Variants in CREBBP observed in about 807,000 individuals in gnomAD.
CREBBP encodes CREB-binding protein.
A neutral mutation model predicts 265.0 loss-of-function variants in CREBBP; 19 were observed. The observed-to-expected ratio is 0.07, with a 90% CI of 0.05 to 0.11. The LOEUF (loss-of-function observed/expected upper bound fraction) is 0.11. Ranked by LOEUF, CREBBP falls within the 10% of genes least tolerant of loss-of-function variation. The pLI is 1.00. For missense variants in CREBBP, 2,525 were observed against 3,219.0 expected (o/e 0.78, Z 5.22); for synonymous variants, 1,457 against 1,223.7 (o/e 1.19, Z -3.98).
chr16:3,855,143 G>C lies in CREBBP; in HGVS notation c.86-4134C>G, dbSNP rs866733298. ...AAAATGACATGTCCTATAGCCATGA[G>C]ATTACAAGATCCAAGATCTAATTCA... is the stretch of plus-strand genomic sequence containing the variant. On this transcript the variant is annotated intron_variant, in intron 1 of 30. Coordinates refer to ENST00000262367, the MANE Select transcript of CREBBP (RefSeq NM_004380.3). Among the ~76,000 whole-genome samples, 25 of 152,204 alleles carry C rather than the reference G, an allele frequency of 1.6e-4. 1 individual carries two copies. Among genetic ancestry groups the C allele is most frequent in the African/African-American group, 6.0e-4 (25 of 41,442 alleles).
chr16:3,873,280 A>G (rs141546022), intron 1 of CREBBP, among the ~76,000 whole-genome samples: 4 of 152,380 alleles, frequency 2.6e-5, no homozygotes, highest in African/African-American at 9.6e-5. Context: ...AAAATAATTC[A>G]GAACACACAC....
In CREBBP at chr16:3,774,677, G is replaced by A. The variant is rs765271207; in HGVS notation, c.2175C>T (p.Asn725=). 1 of 1,614,196 alleles carries A rather than the reference G, an allele frequency of 6.2e-7. No individual in the cohort carries two copies. Among genetic ancestry groups the A allele is most frequent in the East Asian group, 2.2e-5 (1 of 44,886 alleles). ...ACTGGACGTTCCCCAAGGACATGGGGTTAAATGAATTCATCCCTGTAAATG... is the reference window on the plus strand; with the variant it reads ...ACTGGACGTTCCCCAAGGACATGGGATTAAATGAATTCATCCCTGTAAATG... ...MQVSQGMNSF[N]PMSLGNVQLP... The change falls in exon 12 of 31, where the codon AAC becomes AAT. Residue 725 remains asparagine (N), a synonymous_variant. Transcript: ENST00000262367.
At chr16:3,808,725 A>G (rs1437599247) in intron 3 of CREBBP, among the ~76,000 whole-genome samples, 1 of 152,244 alleles carries the variant, frequency 6.6e-6, no homozygotes, top group Non-Finnish European at 1.5e-5. Context: ...AAAGGGAGCA[A>G]AATGTTAGGT....
In CREBBP at chr16:3,849,454, T is replaced by TGTG. The variant is rs1567360835; in HGVS notation, c.798+840_798+842dup. 2.4e-4 allele frequency among the ~76,000 whole-genome samples: 22 copies of TGTG among 90,356 alleles called. 1 individual carries two copies. The highest frequency in any genetic ancestry group is 5.0e-4 in the Non-Finnish European group (19 of 37,720). 59.3% of individuals were successfully genotyped at this position (90,356 alleles called of 152,430 possible). A position where few individuals can be genotyped will look rare whatever the true frequency, so the allele number is the denominator to read the frequency against. On this transcript the variant is annotated intron_variant, in intron 2 of 30. Transcript: ENST00000262367. ...GTGTGTGTGTGTGTGTGTGTGTGTG[T>TGTG]GTGTGTGTGTGTGTGTGTGTGTGTG...
intron 15 of CREBBP, 76 bp downstream of exon 15, chr16:3,769,098 G>A (rs774070869): frequency 6.5e-7 from 1 of 1,538,420 alleles, no homozygotes; most frequent in Non-Finnish European, 9.0e-7. Context: ...CCCATGGCAG[G>A]CTCCAAGCCT....
chr16:3,834,780 G>T (rs772320732), intron 2 of CREBBP, among the ~76,000 whole-genome samples: 1 of 152,094 alleles, frequency 6.6e-6, no homozygotes, highest in South Asian at 2.1e-4. Context: ...CTATGAACTA[G>T]GAGAACAGGG....
intron 2 of CREBBP, among the ~76,000 whole-genome samples, chr16:3,827,553 G>A (rs1025657194): frequency 2.6e-4 from 40 of 151,622 alleles, no homozygotes; most frequent in Admixed American, 2.1e-3. Context: ...CACCACGCCC[G>A]GCTAATTTTT....
intron 3 of CREBBP, among the ~76,000 whole-genome samples, chr16:3,806,550 C>T (rs554786167): frequency 6.6e-6 from 1 of 152,098 alleles, no homozygotes; most frequent in Admixed American, 6.5e-5. Context: ...CCTCTGGTCA[C>T]TGAATGTTCT....
intron 5 of CREBBP, chr16:3,784,633 A>C (rs1258126171): frequency 6.6e-6 from 1 of 152,248 alleles, no homozygotes. Flanking sequence ...CACTATATTT[A>C]ACACACATGG....
intron 16 of CREBBP, among the ~76,000 whole-genome samples, chr16:3,765,123 G>A (rs1305261478): frequency 6.6e-6 from 1 of 152,036 alleles, no homozygotes; most frequent in Non-Finnish European, 1.5e-5. Flanking sequence ...ACAGGCGCCC[G>A]CCACCACGCC....
chr16:3,849,417 GTGTGTGTGTGTGTGTGTGT>G (rs2054742086), intron 2 of CREBBP, among the ~76,000 whole-genome samples: 5 of 7,112 alleles, frequency 7.0e-4, no homozygotes, highest in Admixed American at 2.5e-3. Context: ...GTGTGTGTGT[GTGTGTGTGTGTGTGTGTGT>G]GTGTGTGTGT....
At chr16:3,790,414 G>A (rs2053480525) in intron 5 of CREBBP, among the ~76,000 whole-genome samples, 1 of 103,560 alleles carries the variant, frequency 9.7e-6, no homozygotes, top group South Asian at 3.3e-4. Flanking sequence ...CGCCCTTGTT[G>A]CCCAGGCTGG....
intron 26 of CREBBP, among the ~76,000 whole-genome samples, chr16:3,737,666 G>A (rs987888938): frequency 5.9e-5 from 9 of 152,126 alleles, no homozygotes; most frequent in African/African-American, 2.2e-4. Context: ...GTTTCACCAT[G>A]TTGGTCAGGC....
intron 5 of CREBBP, among the ~76,000 whole-genome samples, chr16:3,788,527 C>T (rs2053438039): frequency 6.6e-6 from 1 of 152,170 alleles, no homozygotes; most frequent in African/African-American, 2.4e-5. Flanking sequence ...TACTGGAGGT[C>T]AGATGCCAGG....
chr16:3,803,192 T>C (rs1343246904), intron 3 of CREBBP, among the ~76,000 whole-genome samples: 1 of 146,662 alleles, frequency 6.8e-6, no homozygotes, highest in Non-Finnish European at 1.5e-5. Flanking sequence ...TCTTAAAATT[T>C]AAGATCTAAA....
chr16:3,728,962 G>T lies in CREBBP; in HGVS notation c.6085C>A (p.Gln2029Lys). The change falls in exon 31 of 31, where the codon CAG (glutamine) becomes AAG (lysine). Residue 2029 changes from glutamine to lysine, a missense_variant. This residue lies in a region of CREBBP where 275 missense variants were observed against 276.5 expected (regional missense o/e 0.99). Coordinates refer to ENST00000262367, the MANE Select transcript of CREBBP (RefSeq NM_004380.3). The surrounding 1 kb of genome is among the most constrained non-coding windows in gnomAD (Gnocchi z 8.7). ...GQWQQAPLPQ[Q>K]QPMPGLPRPV... ...CTGGGCAAGCCTGGCATGGGCTGCTGCTGGGGAAGGGGCGCCTGCTGCCAC... is the reference window on the plus strand; with the variant it reads ...CTGGGCAAGCCTGGCATGGGCTGCTTCTGGGGAAGGGGCGCCTGCTGCCAC... The T allele has an allele frequency of 6.3e-7, 1 of 1,597,968 alleles. No homozygotes were observed. The highest frequency in any genetic ancestry group is 8.5e-7 in the Non-Finnish European group (1 of 1,177,240).
chr16:3,768,146 T>TTG (rs2052908236), intron 15 of CREBBP, among the ~76,000 whole-genome samples: 2 of 104,508 alleles, frequency 1.9e-5, no homozygotes, highest in African/African-American at 4.8e-5. Context: ...GTTTTTTTTT[T>TTG]TTTTTTTTTT....
chr16:3,852,035 CAAAAAAAAAAAAAAAAAAAAAAAAAAA>C (rs551018184), intron 1 of CREBBP, among the ~76,000 whole-genome samples: 7 of 11,196 alleles, frequency 6.3e-4, no homozygotes, highest in Admixed American at 4.7e-3. Flanking sequence ...GACTCCATCT[CAAAAAAAAAAAAAAAAAAAAAAAAAAA>C]AAAAAAAAAA....
intron 19 of CREBBP, among the ~76,000 whole-genome samples, chr16:3,752,383 T>G (rs1596840943): frequency 6.6e-6 from 1 of 152,250 alleles, no homozygotes; most frequent in East Asian, 1.9e-4. Flanking sequence ...AGAGATTTTA[T>G]TTCCGGTATT....
Sources: gnomAD v4.1 joint callset for allele counts (sites outside exome capture counted in the v4.1 genomes callset) on GRCh38, gnomAD v4.1.1 for gene constraint, gnomAD v4.1.1 regional missense constraint, Gnocchi (gnomAD v3.1) non-coding constraint, MANE v1.5 for transcripts, NCBI Gene and HGNC (gene_info 2026-07-23, HGNC 2026-07-21) for gene names.